VAV2: variants seen among roughly 807,000 people sequenced by gnomAD.
VAV2 encodes guanine nucleotide exchange factor VAV2.
In VAV2, 67 loss-of-function variants were observed where a neutral mutation model predicts 132.5. The ratio of observed to expected loss-of-function variants is 0.51; its 90% confidence interval spans 0.42 to 0.62. The LOEUF is 0.62. Ranked by LOEUF, VAV2 falls within the 20% of genes least tolerant of loss-of-function variation. The pLI, the probability that VAV2 is intolerant of heterozygous loss-of-function variation, is 0.00. For missense variants in VAV2, 938 were observed against 1,153.6 expected (o/e 0.81, Z 2.71); for synonymous variants, 492 against 443.5 (o/e 1.11, Z -1.37).
Position 133,792,589 on chromosome 9 carries a change from G to A in VAV2, c.1102-720C>T, listed in dbSNP as rs150787580. Reference sequence around the variant, plus strand: ...GGTGTGTCTGACTGTGTGGTTGTGTGTGTGAGCAAGCTGTGCTGTGCAGGG... The same window carrying A: ...GGTGTGTCTGACTGTGTGGTTGTGTATGTGAGCAAGCTGTGCTGTGCAGGG... On this transcript the variant is annotated intron_variant, in intron 12 of 29. Coordinates refer to ENST00000371850, the MANE Select transcript of VAV2 (RefSeq NM_001134398.2). 2.4e-3 allele frequency among the ~76,000 whole-genome samples: 357 copies of A among 151,772 alleles called. 1 individual carries two copies. Among genetic ancestry groups the A allele is most frequent in the Non-Finnish European group, 4.1e-3 (278 of 67,884 alleles).
intron 2 of VAV2, among the ~76,000 whole-genome samples, chr9:133,895,102 C>T (rs1319389743): frequency 6.6e-6 from 1 of 152,088 alleles, no homozygotes; most frequent in East Asian, 1.9e-4. Context: ...CGAGGGCCGC[C>T]CGCAGGAGAA....
intron 1 of VAV2, among the ~76,000 whole-genome samples, chr9:133,944,935 C>T (rs1016348501): frequency 1.3e-5 from 2 of 152,174 alleles, no homozygotes; most frequent in Non-Finnish European, 2.9e-5. Context: ...CAGGCCCTTC[C>T]GGCCAAGACT....
chr9:133,793,433 C>T (rs1020180336), intron 12 of VAV2, among the ~76,000 whole-genome samples: 3 of 150,600 alleles, frequency 2.0e-5, no homozygotes, highest in Admixed American at 6.6e-5. Context: ...GAGGGAACTT[C>T]CTGGGGAGGC....
chr9:133,816,783 T>A (rs1835575350), intron 4 of VAV2, among the ~76,000 whole-genome samples: 1 of 152,232 alleles, frequency 6.6e-6, no homozygotes, highest in Admixed American at 6.5e-5. Flanking sequence ...TGCTTGGATC[T>A]CTGTCAGAAA....
chr9:133,903,108 G>A (rs1466310137), intron 2 of VAV2, among the ~76,000 whole-genome samples: 1 of 150,376 alleles, frequency 6.6e-6, no homozygotes, highest in African/African-American at 2.5e-5. Flanking sequence ...AGGTAGTTTG[G>A]ACACAGAGAT....
chr9:133,817,051 A>G (rs1835587015), intron 4 of VAV2, among the ~76,000 whole-genome samples: 1 of 152,224 alleles, frequency 6.6e-6, no homozygotes, highest in African/African-American at 2.4e-5. Flanking sequence ...TAGACACTGC[A>G]TTGAGTCTAC....
At position 133,857,016 on chromosome 9, in the gene VAV2, A is replaced by C. The variant is rs963461542; in HGVS notation, c.380+4358T>G. ...CCCCGCGAGGCAGAGTCATGCTCCCAGCCTACAGAAGAGACAAAGGTTCCA... is the reference window on the plus strand; with the variant it reads ...CCCCGCGAGGCAGAGTCATGCTCCCCGCCTACAGAAGAGACAAAGGTTCCA... On this transcript the variant is annotated intron_variant, in intron 3 of 29. Transcript: ENST00000371850. This position sits in a 1 kb window ranked among gnomAD's most constrained non-coding sequence, Gnocchi z 4.0. Among the ~76,000 whole-genome samples, 1 of 152,160 alleles carries C rather than the reference A, an allele frequency of 6.6e-6. No homozygotes were observed. The highest frequency in any genetic ancestry group is 1.5e-5 in the Non-Finnish European group (1 of 68,034).
At chr9:133,944,750 G>A (rs1014617138) in intron 1 of VAV2, among the ~76,000 whole-genome samples, 5 of 152,256 alleles carry the variant, frequency 3.3e-5, no homozygotes, top group African/African-American at 7.2e-5. Context: ...GGCCTGCGTC[G>A]TCAAGGCAGG....
intron 26 of VAV2, among the ~76,000 whole-genome samples, chr9:133,771,566 GAGA>G (rs559152236): frequency 2.4e-4 from 36 of 152,334 alleles, no homozygotes; most frequent in Admixed American, 5.9e-4. Context: ...GGGTGAGTCG[GAGA>G]AGAAGCTGTT....
intron 2 of VAV2, among the ~76,000 whole-genome samples, chr9:133,913,638 C>T (rs1010446086): frequency 5.3e-5 from 8 of 152,236 alleles, no homozygotes; most frequent in Non-Finnish European, 8.8e-5. Flanking sequence ...ACACTCATCA[C>T]GGAACCTGCC....
intron 2 of VAV2, among the ~76,000 whole-genome samples, chr9:133,866,989 C>G (rs979010169): frequency 1.3e-5 from 2 of 152,136 alleles, no homozygotes; most frequent in South Asian, 4.2e-4. Flanking sequence ...GGCAAACTCT[C>G]AGCCTCCCTG....
At chr9:133,909,257 G>T (rs531378629) in intron 2 of VAV2, among the ~76,000 whole-genome samples, 19 of 152,236 alleles carry the variant, frequency 1.2e-4, no homozygotes, top group African/African-American at 3.6e-4. Flanking sequence ...TCCTCAGAAG[G>T]GGGGTGAAGA....
intron 2 of VAV2, among the ~76,000 whole-genome samples, chr9:133,934,898 C>T (rs1399607428): frequency 1.6e-4 from 25 of 152,208 alleles, no homozygotes; most frequent in Non-Finnish European, 1.5e-5. Context: ...GCCGGCCAGT[C>T]GGTCAGGCTC....
rs950224674 is a variant in VAV2 at position 133,826,408 on chromosome 9, G to C, written c.449+7864C>G. Among the ~76,000 whole-genome samples the C allele has an allele frequency of 2.0e-5, 3 of 152,310 alleles. No homozygotes were observed. Among genetic ancestry groups the C allele is most frequent in the African/African-American group, 7.2e-5 (3 of 41,566 alleles). The stretch of plus-strand genomic sequence containing the variant: ...CCTTCAAGGATGCTCCTGCTCAGAT[G>C]CTCTCTGGGGAGAAGCCAGGAGGAC... On this transcript the variant is annotated intron_variant, in intron 4 of 29. Coordinates refer to ENST00000371850, the MANE Select transcript of VAV2 (RefSeq NM_001134398.2). This position sits in a 1 kb window ranked among gnomAD's most constrained non-coding sequence, Gnocchi z 4.2.
intron 2 of VAV2, among the ~76,000 whole-genome samples, chr9:133,867,466 G>A (rs1251375297): frequency 1.3e-5 from 2 of 152,168 alleles, no homozygotes; most frequent in South Asian, 2.1e-4. Flanking sequence ...ACAAGTCCCC[G>A]GCACCCTGCA....
chr9:133,854,141 GCACCTGC>G (rs1837295785), intron 3 of VAV2, among the ~76,000 whole-genome samples: 1 of 94,650 alleles, frequency 1.1e-5, no homozygotes, highest in African/African-American at 5.6e-5. Flanking sequence ...CACACCCCTT[GCACCTGC>G]ACACACACAT....
At chr9:133,876,105 A>T (rs1396549795) in intron 2 of VAV2, among the ~76,000 whole-genome samples, 1 of 152,198 alleles carries the variant, frequency 6.6e-6, no homozygotes, top group African/African-American at 2.4e-5. Flanking sequence ...TCAGGACTGG[A>T]GCTGCACTAC....
At chr9:133,890,636 C>T (rs2519768) in intron 2 of VAV2, among the ~76,000 whole-genome samples, 111,001 of 151,824 alleles carry the variant, frequency 0.73, 42,896 homozygotes, top group Middle Eastern at 0.91. Flanking sequence ...AAAGGAATGG[C>T]CCCAGAACCA....
intron 1 of VAV2, among the ~76,000 whole-genome samples, chr9:133,943,072 G>T (rs1841228415): frequency 6.6e-6 from 1 of 152,232 alleles, no homozygotes; most frequent in Non-Finnish European, 1.5e-5. Flanking sequence ...CTGACCAGAG[G>T]GCGGCAGCGC....
Sources: allele counts gnomAD v4.1 joint callset (sites outside exome capture counted in the v4.1 genomes callset), GRCh38; gene constraint gnomAD v4.1.1; non-coding constraint Gnocchi (gnomAD v3.1); transcripts MANE v1.5; gene names NCBI Gene and HGNC (gene_info 2026-07-23, HGNC 2026-07-21).